The following PRICKLE2 variants were observed in gnomAD, a reference collection of about 807,000 sequenced individuals.
PRICKLE2 encodes the protein prickle-like protein 2.
In PRICKLE2, 21 loss-of-function variants were observed where a neutral mutation model predicts 81.4. The ratio of observed to expected loss-of-function variants is 0.26; its 90% CI spans 0.18 to 0.37. The LOEUF (loss-of-function observed/expected upper bound fraction) is 0.37, where lower values mean the gene tolerates loss of function less well. Ranked by LOEUF, PRICKLE2 falls within the 10% of genes least tolerant of loss-of-function variation. PRICKLE2 has a pLI of 1.00. For missense variants in PRICKLE2, 940 were observed against 1,109.0 expected, an observed-to-expected ratio of 0.85 and a Z score of 2.16; for synonymous variants, 456 against 421.5, an observed-to-expected ratio of 1.08 and a Z score of -1.00.
In PRICKLE2 at chr3:64,147,685, T is replaced by C. The variant is rs757760773; in HGVS notation, c.805A>G (p.Met269Val). 3 of 1,613,656 alleles carry C rather than the reference T, an allele frequency of 1.9e-6. No homozygotes were observed. The African/African-American group carries it at 4.0e-5, about 22-fold the overall frequency. The change falls in exon 7 of 8, where the codon ATG becomes GTG. Residue 269 changes from methionine (M) to valine (V), a missense_variant. Around this residue, in one of 2 missense-constraint regions of PRICKLE2, gnomAD observed 270 missense variants for 391.8 expected, o/e 0.69. Coordinates refer to ENST00000638394, the MANE Select transcript of PRICKLE2 (RefSeq NM_198859.4). This position sits in a 1 kb window ranked among gnomAD's most constrained non-coding sequence, Gnocchi z 5.0. ...TGCCAGTGTTGGCCATCATAGGTCA[T>C]TTGACCTTGGTCGATACCTAAAAAA... ...AQHIGIDQGQMTYDGQHWHAT... is the reference protein window; with the variant it reads ...AQHIGIDQGQVTYDGQHWHAT...
At chr3:64,119,941 T>G (rs1199754580) in intron 7 of PRICKLE2, among the ~76,000 whole-genome samples, 2 of 151,984 alleles carry the variant, frequency 1.3e-5, no homozygotes, top group African/African-American at 2.4e-5. Context: ...TTTTCCCAAG[T>G]GAATTAAGGT....
chr3:64,157,148 G>A lies in PRICKLE2; in HGVS notation c.600+14C>T. The A allele has an allele frequency of 6.2e-7, 1 of 1,612,908 alleles. No individual in the cohort carries two copies. The highest frequency in any genetic ancestry group is 8.5e-7 in the Non-Finnish European group (1 of 1,178,922). ...GGGTGATGGGCAGGTAAACCTGCTG[G>A]AGTTTGCTCTAACCTCATCGCAGGC... On this transcript the variant is annotated intron_variant, in intron 5 of 7. Transcript: ENST00000638394.
intron 2 of PRICKLE2, chr3:64,163,664 A>G (rs555042921): frequency 1.1e-5 from 2 of 179,670 alleles, no homozygotes; most frequent in East Asian, 2.7e-4. Flanking sequence ...CATCAGAAAT[A>G]GACTCACTAA....
chr3:64,203,586 G>T (rs886808201), intron 1 of PRICKLE2, among the ~76,000 whole-genome samples: 1 of 152,142 alleles, frequency 6.6e-6, no homozygotes, highest in Admixed American at 6.5e-5. Flanking sequence ...TTAACGAACT[G>T]AGGATCCAGG....
intron 4 of PRICKLE2, 75 bp from the exon 5 acceptor site, chr3:64,157,440 A>C: frequency 6.9e-7 from 1 of 1,440,826 alleles, no homozygotes; most frequent in South Asian, 1.2e-5. Flanking sequence ...GATAAAGGAC[A>C]ACCACCATTA....
At chr3:64,138,578 C>T (rs1298323099) in intron 7 of PRICKLE2, among the ~76,000 whole-genome samples, 1 of 152,140 alleles carries the variant, frequency 6.6e-6, no homozygotes, top group African/African-American at 2.4e-5. Context: ...ATCATTTGGG[C>T]CCCTGGAACT....
At chr3:64,187,017 T>A (rs2078246318) in intron 2 of PRICKLE2, among the ~76,000 whole-genome samples, 1 of 152,292 alleles carries the variant, frequency 6.6e-6, no homozygotes, top group Non-Finnish European at 1.5e-5. Context: ...GATACCTGTC[T>A]TGAAAGCTAG....
chr3:64,206,239 G>C (rs909027092), intron 1 of PRICKLE2, among the ~76,000 whole-genome samples: 1 of 152,148 alleles, frequency 6.6e-6, no homozygotes, highest in African/African-American at 2.4e-5. Flanking sequence ...AGTGTGCCTG[G>C]TGATTGTGAT....
At chr3:64,233,488 G>A (rs1389098883) in intron 2 of PRICKLE2, among the ~76,000 whole-genome samples, 1 of 152,114 alleles carries the variant, frequency 6.6e-6, no homozygotes, top group Non-Finnish European at 1.5e-5. Context: ...AGGCACATGT[G>A]TGCCTCCTGG....
intron 7 of PRICKLE2, among the ~76,000 whole-genome samples, chr3:64,122,589 G>T (rs903355502): frequency 6.6e-6 from 1 of 152,138 alleles, no homozygotes; most frequent in Admixed American, 6.5e-5. Context: ...CCTCACTTGT[G>T]GGTGACCCTA....
chr3:64,146,510 G>A (rs948262640), intron 7 of PRICKLE2: 13 of 316,256 alleles, frequency 4.1e-5, no homozygotes, highest in South Asian at 1.3e-4. Flanking sequence ...TTGGGAGGCC[G>A]AGGCAGGTGG....
intron 2 of PRICKLE2, among the ~76,000 whole-genome samples, chr3:64,248,497 G>C (rs989796322): frequency 1.3e-5 from 2 of 152,036 alleles, no homozygotes; most frequent in African/African-American, 4.8e-5. Context: ...AACCAAAAAA[G>C]GTCAGCCTTT....
intron 7 of PRICKLE2, 88 bp from the exon 8 acceptor site, chr3:64,100,013 A>G: frequency 7.0e-7 from 1 of 1,430,886 alleles, no homozygotes; most frequent in Middle Eastern, 2.2e-4. Flanking sequence ...ATCTAGGGTC[A>G]TTATATACCG....
chr3:64,153,435 G>A lies in PRICKLE2; in HGVS notation c.601-67C>T, dbSNP rs1049224452. 4.0e-6 allele frequency: 6 copies of A among 1,494,242 alleles called. No homozygotes were observed. The Admixed American group carries it at 1.0e-4, about 25-fold the overall frequency. The allele number at this position is 1,494,242 out of a possible 1,614,324, so 92.6% of individuals were successfully genotyped here. On this transcript the variant is annotated intron_variant, in intron 5 of 7. Transcript: ENST00000638394. ...CCAGAACATATTTTAAAGGAAGAAA[G>A]CTATGGGGTCCTTGAACTAGAAGGG...
intron 7 of PRICKLE2, among the ~76,000 whole-genome samples, chr3:64,110,218 ATGC>A (rs1212704048): frequency 6.6e-6 from 1 of 152,232 alleles, no homozygotes; most frequent in East Asian, 1.9e-4. Context: ...CACTGACCCC[ATGC>A]TGCTTTCTAG....
intron 1 of PRICKLE2, among the ~76,000 whole-genome samples, chr3:64,216,274 T>C (rs1169973355): frequency 6.6e-6 from 1 of 152,238 alleles, no homozygotes; most frequent in Non-Finnish European, 1.5e-5. Flanking sequence ...TGATGAAAGC[T>C]GGGATCCTCT....
intron 2 of PRICKLE2, among the ~76,000 whole-genome samples, chr3:64,233,053 G>C (rs541227885): frequency 6.6e-6 from 1 of 152,134 alleles, no homozygotes; most frequent in Admixed American, 6.5e-5. Flanking sequence ...AACAGAGAAC[G>C]TACAGCCTGC....
At chr3:64,218,763 G>T (rs551424252) in intron 1 of PRICKLE2, among the ~76,000 whole-genome samples, 6 of 152,150 alleles carry the variant, frequency 3.9e-5, no homozygotes, top group Non-Finnish European at 7.4e-5. Flanking sequence ...TGGACTTTCT[G>T]AATTTAGTCA....
chr3:64,224,306 C>T (rs756708471), intron 1 of PRICKLE2, among the ~76,000 whole-genome samples: 11 of 152,166 alleles, frequency 7.2e-5, no homozygotes, highest in African/African-American at 1.7e-4. Flanking sequence ...GATTGGTTTT[C>T]GAGAAGCCAA....
Sources: allele counts gnomAD v4.1 joint callset (sites outside exome capture counted in the v4.1 genomes callset), GRCh38; gene constraint gnomAD v4.1.1; regional missense constraint gnomAD v4.1.1; non-coding constraint Gnocchi (gnomAD v3.1); transcripts MANE v1.5; gene names NCBI Gene and HGNC (gene_info 2026-07-23, HGNC 2026-07-21).